CSGALNACT1: variants seen among roughly 807,000 people sequenced by gnomAD.
The protein encoded by CSGALNACT1 is chondroitin sulfate N-acetylgalactosaminyltransferase 1, also known as beta4GalNAcT-1.
CSGALNACT1 carries 52 observed loss-of-function variants against 51.0 expected under a neutral mutation model. The observed-to-expected ratio is 1.02, with a 90% CI of 0.82 to 1.29. The LOEUF (loss-of-function observed/expected upper bound fraction) is 1.29. Among genes scored for constraint, CSGALNACT1 ranks in the 50% most tolerant of loss-of-function variants. CSGALNACT1 has a pLI of 0.00. For synonymous variants in CSGALNACT1, 341 were observed against 254.4 expected (o/e 1.34, Z -3.24); for missense variants, 935 against 679.2 (o/e 1.38, Z -4.19).
chr8:19,487,465 C>T (rs1376816983), intron 4 of CSGALNACT1, among the ~76,000 whole-genome samples: 1 of 152,172 alleles, frequency 6.6e-6, no homozygotes. Flanking sequence ...CCCACACCTA[C>T]TGCAAAGGGC....
chr8:19,653,688 T>G (rs2058023714), intron 1 of CSGALNACT1, among the ~76,000 whole-genome samples: 1 of 151,888 alleles, frequency 6.6e-6, no homozygotes, highest in African/African-American at 2.4e-5. Flanking sequence ...CAGCTACTTG[T>G]GAGGCTGAGG....
chr8:19,499,434 G>A (rs1244519873), intron 4 of CSGALNACT1, among the ~76,000 whole-genome samples: 2 of 152,174 alleles, frequency 1.3e-5, no homozygotes, highest in African/African-American at 4.8e-5. Flanking sequence ...TATGGTGAAT[G>A]AGTGCAACCT....
At chr8:19,602,862 C>G (rs2050739544), upstream of CSGALNACT1, 1 of 152,076 alleles carries the variant, frequency 6.6e-6, no homozygotes, top group South Asian at 2.1e-4. Flanking sequence ...ATAATGTTGT[C>G]TTCAATTAAC....
chr8:19,420,859 C>T (rs1193563969), intron 6 of CSGALNACT1, among the ~76,000 whole-genome samples: 3 of 152,180 alleles, frequency 2.0e-5, no homozygotes, highest in Non-Finnish European at 4.4e-5. Context: ...GGAAAATCTT[C>T]GTGCATCCTG....
At chr8:19,447,391 A>T (rs2062324944) in intron 5 of CSGALNACT1, among the ~76,000 whole-genome samples, 1 of 152,168 alleles carries the variant, frequency 6.6e-6, no homozygotes, top group South Asian at 2.1e-4. Flanking sequence ...TGAGTTTCTG[A>T]TGGGAACCAG....
At position 19,474,317 on chromosome 8, in the gene CSGALNACT1, C is replaced by G. The variant is rs565140274; in HGVS notation, c.635-15675G>C. On this transcript the variant is annotated intron_variant, in intron 4 of 9. Coordinates refer to ENST00000454498, the Ensembl canonical transcript of CSGALNACT1. Reference sequence around the variant, plus strand: ...CCTCTACCCTTTGAATATCTACTTTCCAATATAAAGAAAGTTGGAAACTAT... The same window carrying G: ...CCTCTACCCTTTGAATATCTACTTTGCAATATAAAGAAAGTTGGAAACTAT... Among the ~76,000 whole-genome samples, 176 of 152,030 alleles carry G rather than the reference C, an allele frequency of 1.2e-3. 2 individuals carry two copies. The highest frequency in any genetic ancestry group is 4.1e-3 in the African/African-American group (168 of 41,434).
intron 1 of CSGALNACT1, among the ~76,000 whole-genome samples, chr8:19,646,723 G>A (rs967675885): frequency 2.0e-5 from 3 of 151,654 alleles, no homozygotes; most frequent in African/African-American, 7.3e-5. Context: ...CTATAAAAGG[G>A]GTCTATAAAT....
chr8:19,561,315 A>C (rs1292668725), intron 3 of CSGALNACT1, among the ~76,000 whole-genome samples: 1 of 152,220 alleles, frequency 6.6e-6, no homozygotes, highest in Non-Finnish European at 1.5e-5. Context: ...TTTTGGTCTT[A>C]TAATGAAAAT....
intron 1 of CSGALNACT1, among the ~76,000 whole-genome samples, chr8:19,661,261 C>A (rs2154190657): frequency 6.6e-6 from 1 of 152,252 alleles, no homozygotes. Flanking sequence ...TCTCCCAGAG[C>A]CTCATCTCTC....
At chr8:19,426,733 T>C (rs1279736014) in intron 6 of CSGALNACT1, among the ~76,000 whole-genome samples, 1 of 152,232 alleles carries the variant, frequency 6.6e-6, no homozygotes, top group Non-Finnish European at 1.5e-5. Context: ...TTATAGAGGT[T>C]ATAATGACCT....
At chr8:19,474,109 A>G (rs539662280) in intron 4 of CSGALNACT1, among the ~76,000 whole-genome samples, 1 of 152,340 alleles carries the variant, frequency 6.6e-6, no homozygotes, top group African/African-American at 2.4e-5. Context: ...AATGGTCCAG[A>G]TCCATGGAGC....
chr8:19,450,976 A>G, intron 5 of CSGALNACT1, among the ~76,000 whole-genome samples: 1 of 152,190 alleles, frequency 6.6e-6, no homozygotes. Context: ...ATAGCCCTAC[A>G]GCACCAAGAA....
intron 1 of CSGALNACT1, among the ~76,000 whole-genome samples, chr8:19,725,000 C>A (rs1044366687): frequency 1.3e-5 from 2 of 152,202 alleles, no homozygotes; most frequent in Non-Finnish European, 2.9e-5. Context: ...TCCTCCCTGG[C>A]TTCATTGTGG....
At chr8:19,492,801 G>C (rs1254755005) in intron 4 of CSGALNACT1, among the ~76,000 whole-genome samples, 3 of 152,122 alleles carry the variant, frequency 2.0e-5, no homozygotes, top group Non-Finnish European at 4.4e-5. Flanking sequence ...TCCCAAACTG[G>C]AAATTCATCT....
At chr8:19,430,351 C>T (rs1226630627) in intron 6 of CSGALNACT1, among the ~76,000 whole-genome samples, 1 of 152,078 alleles carries the variant, frequency 6.6e-6, no homozygotes, top group East Asian at 1.9e-4. Context: ...AGTCGTTGAT[C>T]CATTTTGACT....
intron 1 of CSGALNACT1, among the ~76,000 whole-genome samples, chr8:19,631,103 C>T (rs1036178943): frequency 6.6e-6 from 1 of 152,186 alleles, no homozygotes; most frequent in African/African-American, 2.4e-5. Flanking sequence ...CATGCATCTC[C>T]TGAAGGACAT....
At chr8:19,633,255 G>A (rs1332501786) in intron 1 of CSGALNACT1, among the ~76,000 whole-genome samples, 1 of 152,132 alleles carries the variant, frequency 6.6e-6, no homozygotes, top group African/African-American at 2.4e-5. Flanking sequence ...AGAGTTCCAA[G>A]TATCTAATAC....
intron 1 of CSGALNACT1, among the ~76,000 whole-genome samples, chr8:19,675,271 T>C (rs2060092965): frequency 6.6e-6 from 1 of 152,156 alleles, no homozygotes; most frequent in South Asian, 2.1e-4. Context: ...AGGAGTCAAA[T>C]GTTGGCAAAG....
At chr8:19,731,601 T>C (rs1476210413) in intron 1 of CSGALNACT1, among the ~76,000 whole-genome samples, 1 of 152,028 alleles carries the variant, frequency 6.6e-6, no homozygotes, top group East Asian at 1.9e-4. Context: ...ATCTCCATCT[T>C]GAACACAACA....
Sources: allele counts gnomAD v4.1 joint callset (sites outside exome capture counted in the v4.1 genomes callset), GRCh38; gene constraint gnomAD v4.1.1; transcripts MANE v1.5; gene names NCBI Gene and HGNC (gene_info 2026-07-23, HGNC 2026-07-21).